The following ZNF385D variants were observed in gnomAD, a reference collection of about 807,000 sequenced individuals.
ZNF385D encodes the protein zinc finger protein 385D, also known as zinc finger protein 659.
Under a neutral mutation model 35.8 loss-of-function variants are expected in ZNF385D, and 15 were observed. That is an observed-to-expected ratio of 0.42 (90% CI 0.28 to 0.64). The LOEUF (loss-of-function observed/expected upper bound fraction) is 0.64, where lower values mean the gene tolerates loss of function less well. Among genes scored for constraint, ZNF385D ranks in the 30% least tolerant of loss-of-function variants. The pLI, the probability that ZNF385D is intolerant of heterozygous loss-of-function variation, is 0.23. For missense variants in ZNF385D, 474 were observed against 494.6 expected (o/e 0.96, Z 0.39); for synonymous variants, 212 against 186.8 (o/e 1.13, Z -1.10).
chr3:22,254,579 T>A (rs1014617191), intron 2 of ZNF385D, among the ~76,000 whole-genome samples: 2 of 151,870 alleles, frequency 1.3e-5, no homozygotes, highest in African/African-American at 4.8e-5. Context: ...CTTATCTATA[T>A]TCCAAGGCCC....
intron 3 of ZNF385D, among the ~76,000 whole-genome samples, chr3:22,023,316 T>C (rs534494294): frequency 6.6e-6 from 1 of 152,254 alleles, no homozygotes; most frequent in East Asian, 1.9e-4. Context: ...GCTCAGTCTA[T>C]TTAGAGTCCA....
intron 3 of ZNF385D, among the ~76,000 whole-genome samples, chr3:21,930,875 AAAG>A (rs1371003334): frequency 2.0e-5 from 3 of 152,148 alleles, no homozygotes; most frequent in Non-Finnish European, 2.9e-5. Context: ...ACAGGAGAAA[AAAG>A]AAAATCTTCA....
At chr3:21,837,257 A>G (rs1351218154) in intron 3 of ZNF385D, among the ~76,000 whole-genome samples, 2 of 152,124 alleles carry the variant, frequency 1.3e-5, no homozygotes, top group African/African-American at 2.4e-5. Context: ...GTCCATGTAT[A>G]AAAACCATTC....
chr3:22,306,970 A>G (rs1703260937), intron 2 of ZNF385D, among the ~76,000 whole-genome samples: 1 of 152,198 alleles, frequency 6.6e-6, no homozygotes, highest in Admixed American at 6.6e-5. Flanking sequence ...AGTTCTGCCT[A>G]CACATGCATT....
At chr3:22,335,171 T>C (rs1322455811) in intron 2 of ZNF385D, among the ~76,000 whole-genome samples, 1 of 152,138 alleles carries the variant, frequency 6.6e-6, no homozygotes, top group African/African-American at 2.4e-5. Context: ...TAGGCCTTGA[T>C]GCTGTTATAA....
chr3:21,626,158 T>C (rs905155687), intron 2 of ZNF385D, among the ~76,000 whole-genome samples: 3 of 152,076 alleles, frequency 2.0e-5, no homozygotes, highest in Non-Finnish European at 2.9e-5. Flanking sequence ...AAGTAAACTA[T>C]AAGAATTCTG....
chr3:21,643,514 G>C (rs567869186), intron 2 of ZNF385D, among the ~76,000 whole-genome samples: 40 of 152,210 alleles, frequency 2.6e-4, no homozygotes, highest in African/African-American at 8.7e-4. Context: ...ACATATGTCT[G>C]CATGAGAGGT....
chr3:22,368,200 T>C (rs1696742253), intron 2 of ZNF385D, among the ~76,000 whole-genome samples: 1 of 152,174 alleles, frequency 6.6e-6, no homozygotes, highest in Non-Finnish European at 1.5e-5. Context: ...AACTAAGCGA[T>C]CTAAAGGTCT....
At chr3:21,878,076 G>A (rs976681647) in intron 3 of ZNF385D, 6 of 151,964 alleles carry the variant, frequency 3.9e-5, no homozygotes, top group African/African-American at 1.2e-4. Flanking sequence ...AATTGATGGT[G>A]TATCATAACA....
At chr3:22,366,808 T>G (rs981651543) in intron 2 of ZNF385D, among the ~76,000 whole-genome samples, 3 of 152,124 alleles carry the variant, frequency 2.0e-5, no homozygotes, top group African/African-American at 7.2e-5. Flanking sequence ...AGGCTTTAAA[T>G]GCAAATATAA....
intron 2 of ZNF385D, among the ~76,000 whole-genome samples, chr3:22,174,110 A>G (rs1576445402): frequency 6.6e-6 from 1 of 152,174 alleles, no homozygotes; most frequent in Non-Finnish European, 1.5e-5. Context: ...TATTTGCTTT[A>G]GTGTTTTAAC....
intron 3 of ZNF385D, among the ~76,000 whole-genome samples, chr3:22,027,098 C>T (rs1409530184): frequency 2.0e-5 from 3 of 152,224 alleles, no homozygotes; most frequent in Non-Finnish European, 4.4e-5. Flanking sequence ...GCAAGTGCAG[C>T]AATATACCTT....
At chr3:21,476,618 T>C (rs895209183) in intron 4 of ZNF385D, among the ~76,000 whole-genome samples, 1 of 152,104 alleles carries the variant, frequency 6.6e-6, no homozygotes, top group Non-Finnish European at 1.5e-5. Flanking sequence ...GCATTTGTAA[T>C]ATATAAAATA....
At chr3:21,537,466 G>A (rs1054799902) in intron 3 of ZNF385D, among the ~76,000 whole-genome samples, 1 of 151,920 alleles carries the variant, frequency 6.6e-6, no homozygotes, top group African/African-American at 2.4e-5. Context: ...AAAAAGACAC[G>A]ATGTGACCCT....
rs1378304065 is a variant in ZNF385D, at chr3:22,236,959, C to A, written c.107-67924G>T. Among the ~76,000 whole-genome samples, 7 of 152,076 alleles carry A rather than the reference C, an allele frequency of 4.6e-5. No homozygotes were observed. The South Asian group carries it at 1.0e-3, about 22-fold the overall frequency. On this transcript the variant is annotated intron_variant, in intron 2 of 5. Transcript: ENST00000494108. ...GTGATAAAAATCTGGGTTGTTTCCACCTTTTGGTCATATCATAATGCTGCT... is the reference window on the plus strand; with the variant it reads ...GTGATAAAAATCTGGGTTGTTTCCAACTTTTGGTCATATCATAATGCTGCT...
intron 3 of ZNF385D, among the ~76,000 whole-genome samples, chr3:21,941,528 C>T (rs1701518576): frequency 8.1e-6 from 1 of 123,022 alleles, no homozygotes; most frequent in African/African-American, 3.1e-5. Flanking sequence ...GATGGAGTCT[C>T]ACTCTGTCCC....
chr3:21,904,877 C>CA (rs1318010411), intron 3 of ZNF385D, among the ~76,000 whole-genome samples: 2 of 152,022 alleles, frequency 1.3e-5, no homozygotes, highest in African/African-American at 4.8e-5. Context: ...AACAGACTCT[C>CA]AAATACTGGT....
At chr3:22,178,421 T>C (rs936648821) in intron 2 of ZNF385D, among the ~76,000 whole-genome samples, 2 of 152,224 alleles carry the variant, frequency 1.3e-5, no homozygotes, top group Admixed American at 1.3e-4. Flanking sequence ...CACCCACTTG[T>C]TGATGGGGTT....
intron 3 of ZNF385D, among the ~76,000 whole-genome samples, chr3:21,941,466 T>C (rs1701512269): frequency 6.6e-6 from 1 of 151,030 alleles, no homozygotes; most frequent in Non-Finnish European, 1.5e-5. Context: ...TTCTATGGTC[T>C]TTTTCCATTT....
Sources: gnomAD v4.1 joint callset for allele counts (sites outside exome capture counted in the v4.1 genomes callset) on GRCh38, gnomAD v4.1.1 for gene constraint, MANE v1.5 for transcripts, NCBI Gene and HGNC (gene_info 2026-07-23, HGNC 2026-07-21) for gene names.